The following PRR5 variants were observed in gnomAD, a reference collection of about 807,000 sequenced individuals.
The protein encoded by PRR5 is proline rich 5, also known as proline-rich protein 5.
Under a neutral mutation model 30.6 loss-of-function variants are expected in PRR5, and 25 were observed. That is an observed-to-expected ratio of 0.82 (90% CI 0.60 to 1.14). The LOEUF is 1.14. Ranked by LOEUF, PRR5 falls within the 50% of genes most tolerant of loss-of-function variation. PRR5 has a pLI of 0.00. For synonymous variants in PRR5, 286 were observed against 247.1 expected (o/e 1.16, Z -1.48); for missense variants, 600 against 547.1 (o/e 1.10, Z -0.96).
chr22:44,734,262 C>T (rs1038832049), intron 6 of PRR5: 1 of 152,160 alleles, frequency 6.6e-6, no homozygotes, highest in African/African-American at 2.4e-5. Flanking sequence ...CAGAGCGAAA[C>T]TCTGTCTCAA....
At chr22:44,709,400 T>C (rs1927790787) in intron 1 of PRR5, among the ~76,000 whole-genome samples, 1 of 151,946 alleles carries the variant, frequency 6.6e-6, no homozygotes, top group Admixed American at 6.6e-5. Flanking sequence ...TTGGAAGGTG[T>C]CACGCTGCTG....
At chr22:44,722,300 A>G (rs1351170300) in intron 2 of PRR5, among the ~76,000 whole-genome samples, 2 of 152,240 alleles carry the variant, frequency 1.3e-5, no homozygotes, top group African/African-American at 4.8e-5. Context: ...AAATGGGGAC[A>G]CTAACATCAC....
rs75169697 is a variant in PRR5, at chr22:44,721,993, T to A, written c.216-3251T>A. ...TGGACGTGGGGATCACTCCATGAGG[T>A]TGAGGTCACAGCTTGGTCCTTGGCG... On this transcript the variant is annotated intron_variant, in intron 2 of 7. Transcript: ENST00000336985. Among the ~76,000 whole-genome samples, 348 of 152,268 alleles carry A rather than the reference T, an allele frequency of 2.3e-3. 2 individuals are homozygous for A. Among genetic ancestry groups the A allele is most frequent in the Non-Finnish European group, 3.4e-3 (229 of 68,014 alleles).
intron 1 of PRR5, among the ~76,000 whole-genome samples, chr22:44,670,699 T>G (rs1462993367): frequency 1.3e-5 from 2 of 152,120 alleles, no homozygotes; most frequent in Non-Finnish European, 2.9e-5. Context: ...GCTAATGGGT[T>G]TTTTGTTTCT....
At chr22:44,700,044 A>T (rs899211829), upstream of PRR5, among the ~76,000 whole-genome samples, 6 of 152,180 alleles carry the variant, frequency 3.9e-5, no homozygotes, top group Non-Finnish European at 8.8e-5. Flanking sequence ...GGCTAGGCAC[A>T]GTAGTTCATG....
chr22:44,731,040 G>A (rs778434328), intron 4 of PRR5: 2 of 307,004 alleles, frequency 6.5e-6, no homozygotes. Flanking sequence ...GGCAGATAGT[G>A]TGGGGGAAGG....
chr22:44,702,655 A>AG, intron 1 of PRR5, 47 bp downstream of exon 1: 2 of 1,261,602 alleles, frequency 1.6e-6, no homozygotes, highest in South Asian at 5.4e-5. Context: ...GAGCCGGGGG[A>AG]GGGGACCCCT....
chr22:44,695,515 T>C (rs1170060630), intron 1 of PRR5, among the ~76,000 whole-genome samples: 1 of 152,220 alleles, frequency 6.6e-6, no homozygotes, highest in African/African-American at 2.4e-5. Flanking sequence ...ATCATTCTTG[T>C]TATCAGGCAT....
upstream of PRR5, among the ~76,000 whole-genome samples, chr22:44,698,325 G>A (rs563017461): frequency 6.7e-6 from 1 of 150,308 alleles, no homozygotes; most frequent in South Asian, 2.1e-4. Context: ...TGGAGCAGGG[G>A]TGGCTCTGGT....
At chr22:44,716,736 C>T (rs1452628343) in intron 2 of PRR5, among the ~76,000 whole-genome samples, 1 of 152,136 alleles carries the variant, frequency 6.6e-6, no homozygotes, top group Non-Finnish European at 1.5e-5. Context: ...TGCCCTACCC[C>T]AGCTCTTCTG....
chr22:44,679,241 C>CACAA (rs1924044664), intron 1 of PRR5: 1 of 152,296 alleles, frequency 6.6e-6, no homozygotes, highest in East Asian at 1.9e-4. Flanking sequence ...CCCACAAACA[C>CACAA]ACAGACAGAA....
intron 1 of PRR5, among the ~76,000 whole-genome samples, chr22:44,687,359 C>CA (rs202148884): frequency 0.52 from 11,518 of 22,038 alleles, 653 homozygotes; most frequent in East Asian, 0.57. Context: ...CTATCCAGAG[C>CA]GTTTTATAAT....
chr22:44,716,492 A>G (rs148831154), intron 2 of PRR5, among the ~76,000 whole-genome samples: 172 of 152,148 alleles, frequency 1.1e-3, no homozygotes, highest in African/African-American at 4.1e-3. Flanking sequence ...GCTGAACATG[A>G]CAAGACACCT....
At chr22:44,679,674 C>T (rs1601948285) in intron 1 of PRR5, 1 of 899,550 alleles carries the variant, frequency 1.1e-6, no homozygotes, top group East Asian at 2.8e-5. Context: ...CCATTGCACT[C>T]CAGCCTGGGC....
chr22:44,672,769 T>C (rs1316431477), upstream of PRR5, among the ~76,000 whole-genome samples: 1 of 152,152 alleles, frequency 6.6e-6, no homozygotes, highest in Non-Finnish European at 1.5e-5. Flanking sequence ...TCCCAGGCAC[T>C]GTCTCACCTA....
chr22:44,730,487 G>C, intron 4 of PRR5: 1 of 988,936 alleles, frequency 1.0e-6, no homozygotes, highest in Non-Finnish European at 1.2e-6. Flanking sequence ...CCCAGAGCCA[G>C]CTTGGGCAGC....
chr22:44,702,408 T>A lies in PRR5; in HGVS notation c.-67T>A. 2 of 1,231,394 alleles carry A rather than the reference T, an allele frequency of 1.6e-6. No homozygotes were observed. Among genetic ancestry groups the A allele is most frequent in the Non-Finnish European group, 2.0e-6 (2 of 984,994 alleles). The allele number at this position is 1,231,394 out of a possible 1,614,324, so 76.3% of individuals were successfully genotyped here. The stretch of plus-strand genomic sequence containing the variant: ...GGGCGCATCGCCGGCCCGGGGCCCT[T>A]GGTGCGGCGTGGCGCAGGGCGCGGC... On this transcript the variant is annotated 5_prime_UTR_variant, in exon 1 of 8. Coordinates refer to ENST00000336985, the MANE Select transcript of PRR5 (RefSeq NM_181333.4).
Position 44,702,708 on chromosome 22 carries a change from G to A in PRR5, c.134+100G>A, listed in dbSNP as rs1926532613. The A allele has an allele frequency of 6.5e-6, 8 of 1,222,284 alleles. No homozygotes were observed. The East Asian group carries it at 2.6e-4, about 40-fold the overall frequency. 75.7% of individuals were successfully genotyped at this position (1,222,284 alleles called of 1,614,324 possible). A position where few individuals can be genotyped will look rare whatever the true frequency, so the allele number is the denominator to read the frequency against. ...GGGGCCGCCCCGAGCCAGGAACGCT[G>A]CCGAAGGCGGCGCGGCGCTTCACAG... is the stretch of plus-strand genomic sequence containing the variant. On this transcript the variant is annotated intron_variant, in intron 1 of 7. Transcript: ENST00000336985.
intron 7 of PRR5, 102 bp from the exon 8 acceptor site, chr22:44,736,670 G>C: frequency 6.8e-7 from 1 of 1,468,894 alleles, no homozygotes; most frequent in Non-Finnish European, 9.0e-7. Flanking sequence ...CTTCCCTGCA[G>C]CTGCCCCTGC....
Sources: gnomAD v4.1 joint callset for allele counts (sites outside exome capture counted in the v4.1 genomes callset) on GRCh38, gnomAD v4.1.1 for gene constraint, MANE v1.5 for transcripts, NCBI Gene and HGNC (gene_info 2026-07-23, HGNC 2026-07-21) for gene names.